Variants in ZNF428 observed in about 807,000 individuals in gnomAD.
The protein encoded by ZNF428 is enzyme-like protein PIT13.
A neutral mutation model predicts 15.6 loss-of-function variants in ZNF428; 5 were observed. The observed-to-expected ratio is 0.32, with a 90% CI of 0.17 to 0.67. The LOEUF is 0.67. Ranked by LOEUF, ZNF428 falls within the 30% of genes least tolerant of loss-of-function variation. The pLI, the probability that ZNF428 is intolerant of heterozygous loss-of-function variation, is 0.73. For synonymous variants in ZNF428, 97 were observed against 102.2 expected (o/e 0.95, Z 0.31); for missense variants, 237 against 256.0 (o/e 0.93, Z 0.51).
intron 1 of ZNF428, among the ~76,000 whole-genome samples, chr19:43,616,697 C>T (rs966720556): frequency 6.6e-6 from 1 of 152,150 alleles, no homozygotes; most frequent in Non-Finnish European, 1.5e-5. Context: ...CACCCCTGCC[C>T]CTCTATAAAC....
intron 1 of ZNF428, among the ~76,000 whole-genome samples, chr19:43,615,823 A>C (rs1179677445): frequency 6.6e-6 from 1 of 152,182 alleles, no homozygotes. Flanking sequence ...GGTATAAGGG[A>C]AGGGGCAGGG....
rs757624451 is a variant in ZNF428, at chr19:43,612,034, G to A, written c.76+2195C>T. On this transcript the variant is annotated intron_variant, in intron 2 of 2. Coordinates refer to ENST00000300811, the MANE Select transcript of ZNF428 (RefSeq NM_182498.4). This position sits in a 1 kb window ranked among gnomAD's most constrained non-coding sequence, Gnocchi z 4.2. The stretch of plus-strand genomic sequence containing the variant: ...CACTATTACTTCACACAGTTGGCCT[G>A]TGACAGGCAATCAGGTCATCGTCCA... 5.9e-6 allele frequency: 6 copies of A among 1,017,932 alleles called. No homozygotes were observed. The allele number at this position is 1,017,932 out of a possible 1,614,324, so 63.1% of individuals were successfully genotyped here.
intron 2 of ZNF428, chr19:43,613,304 C>T (rs866297504): frequency 6.4e-7 from 1 of 1,551,146 alleles, no homozygotes; most frequent in Admixed American, 2.0e-5. Flanking sequence ...ATCAGGAAGC[C>T]CCAACAAGCA....
At chr19:43,618,832 C>T (rs1366053459) in intron 1 of ZNF428, among the ~76,000 whole-genome samples, 1 of 152,068 alleles carries the variant, frequency 6.6e-6, no homozygotes, top group Non-Finnish European at 1.5e-5. Context: ...CAACCACACA[C>T]CTGGGACAAT....
intron 1 of ZNF428, among the ~76,000 whole-genome samples, chr19:43,615,425 C>A (rs1017285088): frequency 6.6e-6 from 1 of 151,880 alleles, no homozygotes; most frequent in Non-Finnish European, 1.5e-5. Flanking sequence ...TAAGGCCGGG[C>A]GCAGTGACCC....
At chr19:43,617,074 G>A (rs1453478910) in intron 1 of ZNF428, among the ~76,000 whole-genome samples, 3 of 152,058 alleles carry the variant, frequency 2.0e-5, no homozygotes, top group African/African-American at 7.2e-5. Flanking sequence ...GGGATTACAG[G>A]CAAGAGCCAC....
intron 2 of ZNF428, among the ~76,000 whole-genome samples, chr19:43,609,997 C>T (rs1973278777): frequency 1.3e-5 from 2 of 152,104 alleles, no homozygotes; most frequent in South Asian, 2.1e-4. Context: ...GTGCTCCGCC[C>T]TTGCTCCTGT....
chr19:43,614,398 T>G lies in ZNF428; in HGVS notation c.-94A>C. 6.7e-7 allele frequency: 1 copy of G among 1,498,454 alleles called. No individual in the cohort carries two copies. Among genetic ancestry groups the G allele is most frequent in the Non-Finnish European group, 8.9e-7 (1 of 1,129,006 alleles). 92.8% of individuals were successfully genotyped at this position (1,498,454 alleles called of 1,614,324 possible). The stretch of plus-strand genomic sequence containing the variant: ...CCACAGCCACACCTCCGGCCACAAG[T>G]TCTCTAATACAGGATGTTGGCAGGT... On this transcript the variant is annotated 5_prime_UTR_variant, in exon 2 of 3. Transcript: ENST00000300811.
intron 2 of ZNF428, among the ~76,000 whole-genome samples, 165 bp from the exon 3 acceptor site, chr19:43,608,272 A>AC (rs1231218910): frequency 6.6e-6 from 1 of 151,822 alleles, no homozygotes; most frequent in African/African-American, 2.4e-5. Flanking sequence ...GCACAGAACA[A>AC]GACTGGCACC....
intron 1 of ZNF428, among the ~76,000 whole-genome samples, chr19:43,619,185 G>A (rs747481826): frequency 6.6e-6 from 1 of 152,226 alleles, no homozygotes; most frequent in Non-Finnish European, 1.5e-5. Flanking sequence ...GTTCTTCCCA[G>A]GATGCCTTAG....
Position 43,607,720 on chromosome 19 carries a change from T to TC in ZNF428, c.463dup (p.Glu155GlyfsTer13). The TC allele has an allele frequency of 6.2e-7, 1 of 1,613,748 alleles. No individual in the cohort carries two copies. The highest frequency in any genetic ancestry group is 2.2e-5 in the East Asian group (1 of 44,868). On this transcript the variant is annotated frameshift_variant, in exon 3 of 3. Transcript: ENST00000300811. LOFTEE classifies it high-confidence loss of function. The surrounding 1 kb of genome is among the most constrained non-coding windows in gnomAD (Gnocchi z 5.1). ...ACAGTGGTAGGTTCCCTCCTCCTCC[T>TC]CTTCCTCCTCCTCCTCCCGCCCAGC...
chr19:43,614,310 G>A lies in ZNF428; in HGVS notation c.-6C>T. On this transcript the variant is annotated 5_prime_UTR_variant, in exon 2 of 3. Coordinates refer to ENST00000300811, the MANE Select transcript of ZNF428 (RefSeq NM_182498.4). ...GGCTCACGGGTCTCTGTCATGACCG[G>A]GGGAGGGGACAGGAGACAGGAGCAG... 1 of 1,600,436 alleles carries A rather than the reference G, an allele frequency of 6.2e-7. No individual in the cohort carries two copies. The highest frequency in any genetic ancestry group is 8.5e-7 in the Non-Finnish European group (1 of 1,172,932).
chr19:43,614,602 GTCT>G (rs1973353813), intron 1 of ZNF428, 168 bp from the exon 2 acceptor site: 1 of 425,756 alleles, frequency 2.3e-6, no homozygotes, highest in African/African-American at 2.0e-5. Flanking sequence ...CCCTCTCTAG[GTCT>G]TTTTTTTTTT....
intron 2 of ZNF428, chr19:43,613,313 CAG>C (rs1255789169): frequency 6.5e-7 from 1 of 1,550,166 alleles, no homozygotes; most frequent in African/African-American, 1.4e-5. Flanking sequence ...CCCCAACAAG[CAG>C]AGAGATCACA....
chr19:43,610,003 C>T (rs1421518703), intron 2 of ZNF428, among the ~76,000 whole-genome samples: 2 of 152,108 alleles, frequency 1.3e-5, no homozygotes, highest in African/African-American at 4.8e-5. Context: ...CGCCCTTGCT[C>T]CTGTCATCAC....
rs775583959 is a variant in ZNF428, at chr19:43,608,121, G to C, written c.77-14C>G. On this transcript the variant is annotated splice_polypyrimidine_tract_variant and intron_variant, in intron 2 of 2. Transcript: ENST00000300811. ...AATGCTCGGGGCCTGGAGGGGGACAGACAGGGGAAGACAGTGGTATCAGAG... is the reference window on the plus strand; with the variant it reads ...AATGCTCGGGGCCTGGAGGGGGACACACAGGGGAAGACAGTGGTATCAGAG... 6.3e-7 allele frequency: 1 copy of C among 1,599,680 alleles called. No homozygotes were observed. Among genetic ancestry groups the C allele is most frequent in the Non-Finnish European group, 8.5e-7 (1 of 1,172,650 alleles).
chr19:43,614,261 C>A lies in ZNF428; in HGVS notation c.44G>T (p.Ser15Ile). 1 of 1,613,712 alleles carries A rather than the reference C, an allele frequency of 6.2e-7. No individual in the cohort carries two copies. Residue 15 changes from serine (S) to isoleucine (I), a missense_variant, in exon 2 of 3, where the codon AGC becomes ATC. Physicochemically the swap from Ser to Ile is moderately radical, Grantham distance 142. Coordinates refer to ENST00000300811, the MANE Select transcript of ZNF428 (RefSeq NM_182498.4). The part of the protein sequence containing the change: ...REPAETGGYA[S>I]LEEDDEDLSP... Reference sequence around the variant, plus strand: ...AAGGTCTTCATCATCTTCTTCCAAGCTGGCGTAGCCCCCAGTCTCAGCTGG... The same window carrying A: ...AAGGTCTTCATCATCTTCTTCCAAGATGGCGTAGCCCCCAGTCTCAGCTGG...
At chr19:43,615,594 T>C (rs1319958916) in intron 1 of ZNF428, among the ~76,000 whole-genome samples, 1 of 151,714 alleles carries the variant, frequency 6.6e-6, no homozygotes, top group Non-Finnish European at 1.5e-5. Context: ...TAGTCCCAGC[T>C]ACCTGAGAGG....
intron 1 of ZNF428, among the ~76,000 whole-genome samples, chr19:43,615,377 G>A (rs370467797): frequency 1.1e-4 from 17 of 151,790 alleles, no homozygotes; most frequent in African/African-American, 2.9e-4. Context: ...GATTACAGGC[G>A]TGAGCCACCA....
Sources: gnomAD v4.1 joint callset for allele counts (sites outside exome capture counted in the v4.1 genomes callset) on GRCh38, gnomAD v4.1.1 for gene constraint, Gnocchi (gnomAD v3.1) non-coding constraint, MANE v1.5 for transcripts, NCBI Gene and HGNC (gene_info 2026-07-23, HGNC 2026-07-21) for gene names.